The following DHX36 variants were observed in gnomAD, a reference collection of about 807,000 sequenced individuals.
The protein encoded by DHX36 is ATP-dependent DNA/RNA helicase DHX36.
Under a neutral mutation model 139.0 loss-of-function variants are expected in DHX36, and 50 were observed. That is an observed-to-expected ratio of 0.36 (90% confidence interval 0.29 to 0.46). DHX36 has a LOEUF of 0.46. DHX36 is among the 20% of genes least tolerant of loss of function. The probability of loss-of-function intolerance (pLI) is 1.00; values close to 1 mark genes in which losing one functional copy is unlikely to be tolerated. For synonymous variants in DHX36, 425 were observed against 401.9 expected (o/e 1.06, Z -0.69); for missense variants, 1,024 against 1,211.3 (o/e 0.85, Z 2.29).
intron 1 of DHX36, 50 bp from the exon 2 acceptor site, chr3:154,316,213 G>A (rs1462319951): frequency 6.2e-7 from 1 of 1,603,242 alleles, no homozygotes; most frequent in Non-Finnish European, 8.5e-7. Flanking sequence ...GAAAGCATAT[G>A]CAAAAATTAT....
chr3:154,281,326 AT>A (rs1445741696), intron 20 of DHX36, among the ~76,000 whole-genome samples: 5 of 152,206 alleles, frequency 3.3e-5, no homozygotes, highest in Middle Eastern at 3.4e-3. Context: ...ATTACTGAGA[AT>A]TAAATATGGT....
intron 15 of DHX36, among the ~76,000 whole-genome samples, chr3:154,290,659 T>G (rs1004954084): frequency 6.8e-6 from 1 of 147,438 alleles, no homozygotes; most frequent in Non-Finnish European, 1.5e-5. Context: ...AAAAACTAGA[T>G]GTGAAGAGGT....
At position 154,324,369 on chromosome 3, in the gene DHX36, G is replaced by T. The variant is rs754307354; in HGVS notation, c.48C>A (p.Arg16=). The T allele has an allele frequency of 1.8e-5, 28 of 1,590,272 alleles. No individual in the cohort carries two copies. Among genetic ancestry groups the T allele is most frequent in the Non-Finnish European group, 2.3e-5 (27 of 1,166,212 alleles). ...CCCCTCCATAGCCCCCACCGGAGCT[G>T]CGGGGACCCCCATCACGGCCCCAGT... ...HQNWGRDGGP[R]SSGGGYGGGP... is the part of the protein sequence containing the mutation. The change falls in exon 1 of 25, where the codon CGC becomes CGA. Residue 16 remains arginine (R), a synonymous_variant. Coordinates refer to ENST00000496811, the MANE Select transcript of DHX36 (RefSeq NM_020865.3).
chr3:154,290,135 TAGGTTA>T (rs1307265651), intron 15 of DHX36, among the ~76,000 whole-genome samples: 1 of 152,188 alleles, frequency 6.6e-6, no homozygotes, highest in Non-Finnish European at 1.5e-5. Flanking sequence ...GCAGTCTACC[TAGGTTA>T]AGGTTAAGAA....
rs776023490 is a variant in DHX36, at chr3:154,303,302, G to GT, written c.1217+26dup. On this transcript the variant is annotated intron_variant, in intron 9 of 24. Transcript: ENST00000496811. Reference sequence around the variant, plus strand: ...AAGTGATATATTAGTACTTTTTAATGTTTTTTATTTCCTAATGTTTACTTA... The same window carrying GT: ...AAGTGATATATTAGTACTTTTTAATGTTTTTTTATTTCCTAATGTTTACTTA... 5.3e-6 allele frequency: 8 copies of GT among 1,498,532 alleles called. No individual in the cohort carries two copies. The African/African-American group carries it at 7.0e-5, about 13-fold the overall frequency. 92.8% of individuals were successfully genotyped at this position (1,498,532 alleles called of 1,614,324 possible).
chr3:154,306,248 A>G lies in DHX36; in HGVS notation c.861T>C (p.Gly287=), dbSNP rs1355575064. Residue 287 remains glycine, a synonymous_variant, in exon 6 of 25, where the codon GGT becomes GGC. Coordinates refer to ENST00000496811, the MANE Select transcript of DHX36 (RefSeq NM_020865.3). ...AAERAESCGS[G]NSTGYQIRLQ... ...GACGAATTTGATATCCAGTACTATT[A>G]CCACTGCCACAAGATTCTGCCCTTT... 6.2e-7 allele frequency: 1 copy of G among 1,613,578 alleles called. No individual in the cohort carries two copies. The highest frequency in any genetic ancestry group is 8.5e-7 in the Non-Finnish European group (1 of 1,179,818).
At chr3:154,295,187 T>C (rs1711991727) in intron 13 of DHX36, 97 bp downstream of exon 13, 2 of 695,838 alleles carry the variant, frequency 2.9e-6, no homozygotes, top group Non-Finnish European at 4.7e-6. Flanking sequence ...TATTTGAAAA[T>C]ACTCCTTAAA....
chr3:154,284,584 T>C lies in DHX36; in HGVS notation c.2291A>G (p.Glu764Gly). 1 of 1,598,534 alleles carries C rather than the reference T, an allele frequency of 6.3e-7. No individual in the cohort carries two copies. The highest frequency in any genetic ancestry group is 8.5e-7 in the Non-Finnish European group (1 of 1,174,640). The change falls in exon 19 of 25, where the codon GAG becomes GGG. Residue 764 changes from glutamate (E) to glycine (G), a missense_variant and splice_region_variant. Physicochemically the swap from Glu to Gly is moderately conservative, Grantham distance 98. This residue lies in a region of DHX36 where 470 missense variants were observed against 616.2 expected (regional missense o/e 0.76). Transcript: ENST00000496811. Reference sequence around the variant, plus strand: ...CAGGACAAAATTTTTTTTTTTTACCTCAAACGCATTCACAACTGTTAAGTG... The same window carrying C: ...CAGGACAAAATTTTTTTTTTTTACCCCAAACGCATTCACAACTGTTAAGTG... Reference protein sequence around the residue: ...SDHLTVVNAFEGWEEARRRGF... With the variant: ...SDHLTVVNAFGGWEEARRRGF...
Position 154,276,034 on chromosome 3 carries a change from G to GTCT in DHX36, c.*134_*136dup. On this transcript the variant is annotated 3_prime_UTR_variant, in exon 25 of 25. Coordinates refer to ENST00000496811, the MANE Select transcript of DHX36 (RefSeq NM_020865.3). ...TATAACATCAAGTCATGCACATTAA[G>GTCT]TCTTTACTACCTACTGAAGGCTTCT... 1.6e-6 allele frequency: 1 copy of GTCT among 614,484 alleles called. No individual in the cohort carries two copies. The highest frequency in any genetic ancestry group is 2.8e-6 in the Non-Finnish European group (1 of 361,128). 38.1% of individuals were successfully genotyped at this position (614,484 alleles called of 1,614,324 possible). A position where few individuals can be genotyped will look rare whatever the true frequency, so the allele number is the denominator to read the frequency against.
In DHX36 at chr3:154,286,179, A is replaced by AAC. The variant is rs1553757092; in HGVS notation, c.2032-1193_2032-1192insGT. The stretch of plus-strand genomic sequence containing the variant: ...GCTTCCACACACCAAAAAAAAAAAA[A>AAC]AAAAAAAAAAAAACACCAACAAACA... On this transcript the variant is annotated intron_variant, in intron 17 of 24. Coordinates refer to ENST00000496811, the MANE Select transcript of DHX36 (RefSeq NM_020865.3). Among the ~76,000 whole-genome samples the AAC allele has an allele frequency of 5.0e-3, 551 of 110,632 alleles. 36 individuals carry two copies. The highest frequency in any genetic ancestry group is 0.021 in the East Asian group (78 of 3,692). The allele number at this position is 110,632 out of a possible 152,430, so 72.6% of individuals were successfully genotyped here. A position where few individuals can be genotyped will look rare whatever the true frequency, so the allele number is the denominator to read the frequency against.
rs182877702 is a variant in DHX36 at position 154,275,563 on chromosome 3, T to G, written c.*608A>C. On this transcript the variant is annotated 3_prime_UTR_variant, in exon 25 of 25. Transcript: ENST00000496811. ...GACCGTGCTCTCAATTGCTGTATTA[T>G]GAGGCACAGGGTGATATAAAAAGGG... is the stretch of plus-strand genomic sequence containing the variant. 1 of 152,758 alleles carries G rather than the reference T, an allele frequency of 6.5e-6. No homozygotes were observed. The highest frequency in any genetic ancestry group is 2.4e-5 in the African/African-American group (1 of 41,556). The allele number at this position is 152,758 out of a possible 1,614,324, so 9.5% of individuals were successfully genotyped here.
At chr3:154,312,883 ATATATATATATATAT>A (rs1712823747) in intron 3 of DHX36, among the ~76,000 whole-genome samples, 4 of 116,628 alleles carry the variant, frequency 3.4e-5, no homozygotes, top group African/African-American at 1.4e-4. Flanking sequence ...ATATATATAT[ATATATATATATATAT>A]ATAAAATAAA....
At chr3:154,313,536 C>CTAA (rs1232056310) in intron 3 of DHX36, among the ~76,000 whole-genome samples, 2 of 151,960 alleles carry the variant, frequency 1.3e-5, no homozygotes, top group Non-Finnish European at 2.9e-5. Context: ...AAAAATTAAC[C>CTAA]AGGCGTACTG....
In DHX36 at chr3:154,315,286, T is replaced by C. The variant is rs1320408921; in HGVS notation, c.369-6A>G. ...TAGAAACTTCAGTACCGTATCTGTT[T>C]TGACAAAATAAGAAAGGAAGAAAGG... On this transcript the variant is annotated splice_region_variant and splice_polypyrimidine_tract_variant and intron_variant, in intron 2 of 24. Coordinates refer to ENST00000496811, the MANE Select transcript of DHX36 (RefSeq NM_020865.3). 3.1e-6 allele frequency: 5 copies of C among 1,598,232 alleles called. No homozygotes were observed. The highest frequency in any genetic ancestry group is 4.3e-6 in the Non-Finnish European group (5 of 1,172,508).
At position 154,289,760 on chromosome 3, in the gene DHX36, T is replaced by C; in HGVS notation, c.1881A>G (p.Gln627=). ...AAGGAGTTCTCAAAATTTCTGGCAG[T>C]TGATAGTCATCTAGAAGACTTGCTC... ...GLRASLLDDY[Q]LPEILRTPLE... Residue 627 remains glutamine (Q), a synonymous_variant, in exon 16 of 25, where the codon CAA becomes CAG. Transcript: ENST00000496811. 1 of 1,613,626 alleles carries C rather than the reference T, an allele frequency of 6.2e-7. No individual in the cohort carries two copies. The highest frequency in any genetic ancestry group is 8.5e-7 in the Non-Finnish European group (1 of 1,179,750).
intron 24 of DHX36, 105 bp from the exon 25 acceptor site, chr3:154,276,461 G>T: frequency 9.3e-7 from 1 of 1,078,278 alleles, no homozygotes; most frequent in Non-Finnish European, 1.3e-6. Context: ...ACAAGCGATG[G>T]CTCAAAAGCT....
At chr3:154,317,098 T>C (rs184168493) in intron 1 of DHX36, among the ~76,000 whole-genome samples, 2 of 151,818 alleles carry the variant, frequency 1.3e-5, no homozygotes, top group Non-Finnish European at 2.9e-5. Context: ...TTGGTGGAAG[T>C]TGGGGAGAGA....
intron 12 of DHX36, among the ~76,000 whole-genome samples, chr3:154,299,489 T>A (rs1712178604): frequency 6.6e-6 from 1 of 152,146 alleles, no homozygotes; most frequent in Non-Finnish European, 1.5e-5. Flanking sequence ...CAGGTCGCAT[T>A]CTTAGATTTG....
In DHX36 at chr3:154,273,416, G is replaced by A. The variant is rs1719052866; in HGVS notation, c.*2755C>T. The A allele has an allele frequency of 2.0e-5, 3 of 152,086 alleles. No homozygotes were observed. Among genetic ancestry groups the A allele is most frequent in the Admixed American group, 2.0e-4 (3 of 15,260 alleles). 9.4% of individuals were successfully genotyped at this position (152,086 alleles called of 1,614,324 possible). ...AATTACATACTGGTTTGCAAACACAGAACCAACTAATAATCTTTTTTACAG... is the reference window on the plus strand; with the variant it reads ...AATTACATACTGGTTTGCAAACACAAAACCAACTAATAATCTTTTTTACAG... On this transcript the variant is annotated 3_prime_UTR_variant, in exon 25 of 25. Coordinates refer to ENST00000496811, the MANE Select transcript of DHX36 (RefSeq NM_020865.3).
Sources: allele counts gnomAD v4.1 joint callset (sites outside exome capture counted in the v4.1 genomes callset), GRCh38; gene constraint gnomAD v4.1.1; regional missense constraint gnomAD v4.1.1; transcripts MANE v1.5; gene names NCBI Gene and HGNC (gene_info 2026-07-23, HGNC 2026-07-21).